Variants in CHCHD3 observed in about 807,000 individuals in gnomAD.
CHCHD3 encodes the protein MICOS complex subunit MIC19.
Under a neutral mutation model 38.2 loss-of-function variants are expected in CHCHD3, and 20 were observed. The observed-to-expected ratio is 0.52, with a 90% CI of 0.37 to 0.76. CHCHD3 has a LOEUF of 0.76. CHCHD3 is among the 30% of genes least tolerant of loss of function. CHCHD3 has a pLI of 0.00. For missense variants in CHCHD3, 245 were observed against 279.2 expected, an observed-to-expected ratio of 0.88 and a Z score of 0.87; for synonymous variants, 82 against 100.0, an observed-to-expected ratio of 0.82 and a Z score of 1.07.
At chr7:132,958,834 G>A (rs1403566537) in intron 4 of CHCHD3, among the ~76,000 whole-genome samples, 1 of 152,198 alleles carries the variant, frequency 6.6e-6, no homozygotes, top group Non-Finnish European at 1.5e-5. Context: ...CCAGTTGGAA[G>A]CTTAGGTCTT....
intron 3 of CHCHD3, among the ~76,000 whole-genome samples, chr7:132,983,012 T>C (rs1222724352): frequency 6.6e-6 from 1 of 152,144 alleles, no homozygotes; most frequent in Non-Finnish European, 1.5e-5. Flanking sequence ...ATAAAATATA[T>C]ACGAATCTAT....
At chr7:132,952,250 T>A (rs1184555936) in intron 4 of CHCHD3, among the ~76,000 whole-genome samples, 1 of 152,206 alleles carries the variant, frequency 6.6e-6, no homozygotes, top group Non-Finnish European at 1.5e-5. Flanking sequence ...TAGAATGGTG[T>A]ATTTTAAAAA....
chr7:132,928,953 C>T (rs73724122), intron 4 of CHCHD3, among the ~76,000 whole-genome samples: 5,372 of 152,160 alleles, frequency 0.035, 301 homozygotes, highest in African/African-American at 0.12. Flanking sequence ...CTTATTATCA[C>T]CTCTTTCTTA....
intron 4 of CHCHD3, among the ~76,000 whole-genome samples, chr7:132,893,067 A>G (rs1317330385): frequency 1.3e-5 from 2 of 152,192 alleles, no homozygotes; most frequent in Non-Finnish European, 2.9e-5. Flanking sequence ...TAGACCCCAG[A>G]ATGGTAGATC....
At position 132,892,313 on chromosome 7, in the gene CHCHD3, G is replaced by A. The variant is rs534815992; in HGVS notation, c.370-6568C>T. On this transcript the variant is annotated intron_variant, in intron 4 of 7. Transcript: ENST00000262570. ...GGAACTTACTGGGAACTGGAGCAAA[G>A]GTGACACTTGCTATGCTTTAGCAAA... 2.4e-3 allele frequency among the ~76,000 whole-genome samples: 358 copies of A among 152,300 alleles called. 2 individuals are homozygous for A. Among genetic ancestry groups the A allele is most frequent in the Non-Finnish European group, 3.7e-3 (251 of 68,018 alleles).
At chr7:133,024,476 T>C (rs1562940824) in intron 3 of CHCHD3, 70 bp downstream of exon 3, 6 of 1,071,426 alleles carry the variant, frequency 5.6e-6, no homozygotes, top group Non-Finnish European at 8.7e-6. Flanking sequence ...ATCACAATCA[T>C]TCTTCTCTAA....
At chr7:132,839,005 A>G (rs1807870692) in intron 5 of CHCHD3, among the ~76,000 whole-genome samples, 1 of 152,050 alleles carries the variant, frequency 6.6e-6, no homozygotes, top group Non-Finnish European at 1.5e-5. Context: ...AGCCTGACCA[A>G]TATGGAGAAA....
intron 3 of CHCHD3, among the ~76,000 whole-genome samples, chr7:133,022,653 T>C (rs1813221632): frequency 6.6e-6 from 1 of 152,102 alleles, no homozygotes; most frequent in Non-Finnish European, 1.5e-5. Flanking sequence ...ATACAAAGGC[T>C]GTACCACCCT....
intron 3 of CHCHD3, among the ~76,000 whole-genome samples, chr7:132,986,399 AAAAAAG>A (rs1382239601): frequency 4.9e-5 from 7 of 143,028 alleles, no homozygotes; most frequent in South Asian, 2.3e-4. Context: ...TGATCAATAA[AAAAAAG>A]AAAAAGAAAA....
At chr7:132,926,745 A>G (rs886334804) in intron 4 of CHCHD3, among the ~76,000 whole-genome samples, 1 of 152,138 alleles carries the variant, frequency 6.6e-6, no homozygotes, top group African/African-American at 2.4e-5. Context: ...ACTTTAAATC[A>G]TTTCTAGATT....
At chr7:132,790,529 T>A (rs145977576) in intron 7 of CHCHD3, among the ~76,000 whole-genome samples, 1 of 152,128 alleles carries the variant, frequency 6.6e-6, no homozygotes, top group Non-Finnish European at 1.5e-5. Context: ...GACTCTAAAT[T>A]CAAAGGGCTG....
At chr7:132,872,728 G>A (rs1727135519) in intron 5 of CHCHD3, among the ~76,000 whole-genome samples, 2 of 152,190 alleles carry the variant, frequency 1.3e-5, no homozygotes, top group Non-Finnish European at 2.9e-5. Flanking sequence ...ATGTTGCTGA[G>A]GGAAACTCAG....
intron 3 of CHCHD3, 50 bp downstream of exon 3, chr7:133,024,496 T>C (rs571740271): frequency 2.4e-6 from 3 of 1,244,002 alleles, no homozygotes; most frequent in South Asian, 1.2e-5. Context: ...AAAATACTGG[T>C]AAATATGACA....
intron 4 of CHCHD3, among the ~76,000 whole-genome samples, chr7:132,912,328 G>A (rs954445454): frequency 1.3e-5 from 2 of 152,184 alleles, no homozygotes; most frequent in African/African-American, 4.8e-5. Flanking sequence ...CCTGGCCCAA[G>A]GTTCTGATCT....
At chr7:132,869,103 A>C (rs1164349777) in intron 5 of CHCHD3, among the ~76,000 whole-genome samples, 1 of 152,172 alleles carries the variant, frequency 6.6e-6, no homozygotes, top group African/African-American at 2.4e-5. Flanking sequence ...TTCAAACACA[A>C]AACTAAAAAT....
At chr7:132,907,307 C>T (rs541967917) in intron 4 of CHCHD3, among the ~76,000 whole-genome samples, 19 of 152,280 alleles carry the variant, frequency 1.2e-4, no homozygotes, top group African/African-American at 4.6e-4. Context: ...ACAGATGCCA[C>T]GTTTTTCAGG....
intron 5 of CHCHD3, among the ~76,000 whole-genome samples, chr7:132,854,767 T>A (rs987039750): frequency 2.0e-5 from 3 of 152,116 alleles, no homozygotes; most frequent in African/African-American, 4.8e-5. Context: ...TTTTTTTTTT[T>A]AAATTTAGTT....
At chr7:132,810,563 G>A (rs1460086385) in intron 6 of CHCHD3, among the ~76,000 whole-genome samples, 1 of 152,144 alleles carries the variant, frequency 6.6e-6, no homozygotes, top group Non-Finnish European at 1.5e-5. Flanking sequence ...ACGAAGTATA[G>A]AAAACAACAA....
At chr7:132,985,769 G>T (rs541737098) in intron 3 of CHCHD3, among the ~76,000 whole-genome samples, 1 of 90,926 alleles carries the variant, frequency 1.1e-5, no homozygotes, top group African/African-American at 4.2e-5. Context: ...CACCCCGTCC[G>T]GGAGGGAGGC....
Sources: gnomAD v4.1 joint callset for allele counts (sites outside exome capture counted in the v4.1 genomes callset) on GRCh38, gnomAD v4.1.1 for gene constraint, MANE v1.5 for transcripts, NCBI Gene and HGNC (gene_info 2026-07-23, HGNC 2026-07-21) for gene names.